The following GRID2 variants were observed in gnomAD, a reference collection of about 807,000 sequenced individuals.
GRID2 encodes glutamate receptor ionotropic, delta-2.
Under a neutral mutation model 114.8 loss-of-function variants are expected in GRID2, and 33 were observed. That is an observed-to-expected ratio of 0.29 (90% confidence interval 0.22 to 0.38). The LOEUF is 0.38. Ranked by LOEUF, GRID2 falls within the 10% of genes least tolerant of loss-of-function variation. The pLI, the probability that GRID2 is intolerant of heterozygous loss-of-function variation, is 1.00. For missense variants in GRID2, 1,184 were observed against 1,257.7 expected (o/e 0.94, Z 0.89); for synonymous variants, 505 against 449.9 (o/e 1.12, Z -1.55).
intron 1 of GRID2, among the ~76,000 whole-genome samples, chr4:92,562,179 G>T (rs369643744): frequency 6.6e-6 from 1 of 152,098 alleles, no homozygotes; most frequent in Admixed American, 6.6e-5. Flanking sequence ...TCTGTCCTCT[G>T]TAACAACATG....
intron 8 of GRID2, among the ~76,000 whole-genome samples, chr4:93,329,541 T>G (rs1758212431): frequency 6.6e-6 from 1 of 152,016 alleles, no homozygotes; most frequent in Non-Finnish European, 1.5e-5. Flanking sequence ...TAATTAAACA[T>G]TTGGAAAGAT....
chr4:93,561,253 A>G (rs979522632), intron 13 of GRID2, among the ~76,000 whole-genome samples: 14 of 152,134 alleles, frequency 9.2e-5, no homozygotes, highest in African/African-American at 2.4e-5. Context: ...ATTTTCCTCA[A>G]TGAAAAATTA....
intron 2 of GRID2, among the ~76,000 whole-genome samples, chr4:92,696,550 G>A (rs1160853333): frequency 6.6e-6 from 1 of 151,934 alleles, no homozygotes; most frequent in African/African-American, 2.4e-5. Context: ...TTTGAAGAAA[G>A]ACAAAAATCT....
chr4:92,772,431 TAGTG>T, intron 2 of GRID2, among the ~76,000 whole-genome samples: 1 of 152,116 alleles, frequency 6.6e-6, no homozygotes. Context: ...TTTGAGTCAA[TAGTG>T]AGACTTTTAC....
intron 14 of GRID2, among the ~76,000 whole-genome samples, chr4:93,677,109 G>C (rs555410482): frequency 6.6e-6 from 1 of 152,200 alleles, no homozygotes; most frequent in Non-Finnish European, 1.5e-5. Context: ...TTAGGAAATG[G>C]CCCACCAGGA....
chr4:92,385,634 T>G (rs1729911353), intron 1 of GRID2, among the ~76,000 whole-genome samples: 1 of 151,434 alleles, frequency 6.6e-6, no homozygotes, highest in African/African-American at 2.4e-5. Context: ...TAATTTATTT[T>G]AAATTTAAAT....
rs756971610 is a variant in GRID2 at position 93,216,769 on chromosome 4, T to G, written c.821T>G (p.Val274Gly). The G allele has an allele frequency of 1.9e-6, 3 of 1,612,150 alleles. No individual in the cohort carries two copies. Among genetic ancestry groups the G allele is most frequent in the South Asian group, 2.2e-5 (2 of 91,034 alleles). Residue 274 changes from valine (V) to glycine (G), a missense_variant, in exon 6 of 16, where the codon GTA (valine) becomes GGA (glycine). By Grantham distance (109) the Val-to-Gly change is moderately radical (BLOSUM62 -3). Transcript: ENST00000282020. ...EINDVDVQEL[V>G]RRSIGRLTII... The stretch of plus-strand genomic sequence containing the variant: ...AACGATGTGGACGTACAGGAACTTG[T>G]AAGAAGGTCAATTGGAAGGTTAACG...
chr4:92,945,056 A>C (rs1166961045), intron 2 of GRID2, among the ~76,000 whole-genome samples: 5 of 152,272 alleles, frequency 3.3e-5, no homozygotes. Flanking sequence ...CTACTTGAAA[A>C]TATTTCTGAT....
chr4:93,516,804 G>A (rs183548628), intron 13 of GRID2, among the ~76,000 whole-genome samples: 1 of 152,102 alleles, frequency 6.6e-6, no homozygotes, highest in Admixed American at 6.6e-5. Context: ...TTGAGGATGA[G>A]TTATTTTCCT....
chr4:93,091,229 C>A (rs1466181854), intron 3 of GRID2, among the ~76,000 whole-genome samples: 2 of 152,038 alleles, frequency 1.3e-5, no homozygotes, highest in Non-Finnish European at 2.9e-5. Flanking sequence ...TTTATTACCA[C>A]CCGATGTAAT....
chr4:93,009,889 A>G (rs1229777155), intron 2 of GRID2, among the ~76,000 whole-genome samples: 1 of 152,106 alleles, frequency 6.6e-6, no homozygotes, highest in Non-Finnish European at 1.5e-5. Flanking sequence ...TCCTGCCTTT[A>G]CTAAGATAGA....
chr4:93,004,071 T>C (rs988457503), intron 2 of GRID2, among the ~76,000 whole-genome samples: 1 of 151,906 alleles, frequency 6.6e-6, no homozygotes, highest in Non-Finnish European at 1.5e-5. Context: ...CCCAAGACTT[T>C]CCTGGTAGTG....
In GRID2 at chr4:92,822,553, C is replaced by G. The variant is rs551640050; in HGVS notation, c.244+232267C>G. 15 of 279,096 alleles carry G rather than the reference C, an allele frequency of 5.4e-5. 1 individual carries two copies. The highest frequency in any genetic ancestry group is 3.4e-4 in the African/African-American group (15 of 44,160). The allele number at this position is 279,096 out of a possible 1,614,324, so 17.3% of individuals were successfully genotyped here. On this transcript the variant is annotated intron_variant, in intron 2 of 15. Coordinates refer to ENST00000282020, the MANE Select transcript of GRID2 (RefSeq NM_001510.4). ...TATAACCATAACTAGACGGTTTTATCTCAGGATCTAGAGACAATCTACAGG... is the reference window on the plus strand; with the variant it reads ...TATAACCATAACTAGACGGTTTTATGTCAGGATCTAGAGACAATCTACAGG...
intron 8 of GRID2, among the ~76,000 whole-genome samples, chr4:93,349,574 A>G (rs189828785): frequency 5.9e-5 from 9 of 152,202 alleles, no homozygotes; most frequent in Admixed American, 1.3e-4. Flanking sequence ...ACATAATAGA[A>G]AAGCAAAATT....
intron 2 of GRID2, among the ~76,000 whole-genome samples, chr4:92,607,986 G>T (rs1729538928): frequency 1.3e-5 from 2 of 151,836 alleles, no homozygotes; most frequent in Non-Finnish European, 2.9e-5. Context: ...GGCAAGTTGA[G>T]GGGGGAAGGA....
intron 2 of GRID2, among the ~76,000 whole-genome samples, chr4:92,746,291 C>T (rs1461202441): frequency 1.3e-5 from 2 of 152,094 alleles, no homozygotes; most frequent in African/African-American, 2.4e-5. Flanking sequence ...ATTTATGTCA[C>T]ACTACACATA....
chr4:93,472,035 A>G (rs1229075007), intron 11 of GRID2, among the ~76,000 whole-genome samples: 2 of 151,140 alleles, frequency 1.3e-5, no homozygotes, highest in Non-Finnish European at 3.0e-5. Flanking sequence ...GATTGAAGTT[A>G]GAATTTTGGC....
intron 2 of GRID2, among the ~76,000 whole-genome samples, chr4:92,805,153 C>T (rs1000398736): frequency 2.0e-5 from 3 of 151,816 alleles, no homozygotes; most frequent in Admixed American, 1.3e-4. Context: ...TATGTTTATC[C>T]TTCTAATAAC....
intron 2 of GRID2, among the ~76,000 whole-genome samples, chr4:92,946,400 A>T (rs1751634200): frequency 1.3e-5 from 2 of 151,860 alleles, no homozygotes; most frequent in Non-Finnish European, 2.9e-5. Context: ...TTTTCATCTA[A>T]ATCTTTTTTC....
Sources: gnomAD v4.1 joint callset for allele counts (sites outside exome capture counted in the v4.1 genomes callset) on GRCh38, gnomAD v4.1.1 for gene constraint, MANE v1.5 for transcripts, NCBI Gene and HGNC (gene_info 2026-07-23, HGNC 2026-07-21) for gene names.